The following DDX27 variants were observed in gnomAD, a reference collection of about 807,000 sequenced individuals.
The protein encoded by DDX27 is DEAD-box helicase 27.
In DDX27, 42 loss-of-function variants were observed where a neutral mutation model predicts 99.3. The observed-to-expected ratio is 0.42, with a 90% CI of 0.33 to 0.55. DDX27 has a LOEUF of 0.55. DDX27 is among the 20% of genes least tolerant of loss of function. The pLI is 0.07. For missense variants in DDX27, 798 were observed against 976.8 expected, an observed-to-expected ratio of 0.82 and a Z score of 2.44; for synonymous variants, 329 against 353.8, an observed-to-expected ratio of 0.93 and a Z score of 0.79.
Position 49,241,906 on chromosome 20 carries a change from G to A in DDX27, c.1911G>A (p.Leu637=). Residue 637 remains leucine, a synonymous_variant, in exon 17 of 21, where the codon CTG becomes CTA. Coordinates refer to ENST00000618172, the MANE Select transcript of DDX27 (RefSeq NM_017895.8). ...ERKKEKIAKA[L]QEFDLALRGK... ...TTCTCATCCCAGTTGCCAAAGCTCT[G>A]CAGGAATTTGACTTGGCCTTAAGAG... 6.2e-7 allele frequency: 1 copy of A among 1,614,202 alleles called. No individual in the cohort carries two copies. Among genetic ancestry groups the A allele is most frequent in the Non-Finnish European group, 8.5e-7 (1 of 1,180,024 alleles).
chr20:49,236,098 G>A lies in DDX27; in HGVS notation c.1428-52G>A. 6.5e-7 allele frequency: 1 copy of A among 1,531,674 alleles called. No homozygotes were observed. Among genetic ancestry groups the A allele is most frequent in the Non-Finnish European group, 8.9e-7 (1 of 1,122,658 alleles). 94.9% of individuals were successfully genotyped at this position (1,531,674 alleles called of 1,614,324 possible). A position where few individuals can be genotyped will look rare whatever the true frequency, so the allele number is the denominator to read the frequency against. On this transcript the variant is annotated intron_variant, in intron 12 of 20. Transcript: ENST00000618172. This position sits in a 1 kb window ranked among gnomAD's most constrained non-coding sequence, Gnocchi z 4.1. ...CTCTGCTGGCTCAGGCTCTTGTGGA[G>A]CATTATTAGGGGAGGGTGTCTGGAT...
chr20:49,242,037 G>T, intron 17 of DDX27, 46 bp from the exon 18 acceptor site: 1 of 1,613,962 alleles, frequency 6.2e-7, no homozygotes, highest in Non-Finnish European at 8.5e-7. Flanking sequence ...GGGTGGGTCA[G>T]AGTGGCCTGG....
At chr20:49,233,247 C>A in intron 9 of DDX27, 59 bp from the exon 10 acceptor site, 1 of 1,272,624 alleles carries the variant, frequency 7.9e-7, no homozygotes, top group Non-Finnish European at 1.1e-6. Context: ...AATCCCGTGT[C>A]CCTCACTGTG....
chr20:49,224,512 G>A (rs752328653), intron 4 of DDX27, among the ~76,000 whole-genome samples: 1 of 151,976 alleles, frequency 6.6e-6, no homozygotes, highest in Non-Finnish European at 1.5e-5. Flanking sequence ...ACAGGCACAC[G>A]CCAACACACC....
At chr20:49,235,984 C>T in intron 12 of DDX27, 166 bp from the exon 13 acceptor site, 1 of 499,354 alleles carries the variant, frequency 2.0e-6, no homozygotes, top group East Asian at 3.4e-5. Context: ...ACCTCGTGAT[C>T]TGCCCACCTC....
chr20:49,242,241 A>G, intron 18 of DDX27, 35 bp downstream of exon 18: 1 of 1,610,792 alleles, frequency 6.2e-7, no homozygotes, highest in Non-Finnish European at 8.5e-7. Context: ...AGCTTGTACA[A>G]GGTTTTCCCT....
At chr20:49,235,988 C>G in intron 12 of DDX27, 162 bp from the exon 13 acceptor site, 1 of 519,764 alleles carries the variant, frequency 1.9e-6, no homozygotes, top group Non-Finnish European at 3.4e-6. Flanking sequence ...CGTGATCTGC[C>G]CACCTCGGCC....
At chr20:49,221,164 A>T (rs529637124) in intron 1 of DDX27, among the ~76,000 whole-genome samples, 2 of 152,032 alleles carry the variant, frequency 1.3e-5, no homozygotes, top group African/African-American at 4.8e-5. Context: ...GTTTCACCAT[A>T]TTGGCCAGGC....
rs540329932 is a variant in DDX27 at position 49,230,111 on chromosome 20, G to C, written c.881-88G>C. On this transcript the variant is annotated intron_variant, in intron 8 of 20. Coordinates refer to ENST00000618172, the MANE Select transcript of DDX27 (RefSeq NM_017895.8). ...TCTCTCAGTGGTTTTCTCTGCATCT[G>C]GCCTGAGGCCTGGTGAGTGGCTGGT... The C allele has an allele frequency of 1.9e-4, 275 of 1,449,620 alleles. 2 individuals are homozygous for C. In the African/African-American group the frequency reaches 3.6e-3, roughly 19 times the overall value. The allele number at this position is 1,449,620 out of a possible 1,614,324, so 89.8% of individuals were successfully genotyped here.
chr20:49,242,448 A>T, intron 18 of DDX27, 146 bp from the exon 19 acceptor site: 1 of 1,024,396 alleles, frequency 9.8e-7, no homozygotes, highest in Non-Finnish European at 1.4e-6. Flanking sequence ...ACCAGCTGCT[A>T]CTTGGAGGAG....
At chr20:49,235,200 C>T in intron 12 of DDX27, 112 bp downstream of exon 12, 1 of 1,275,622 alleles carries the variant, frequency 7.8e-7, no homozygotes, top group Non-Finnish European at 1.1e-6. Context: ...GGACACATAG[C>T]ATGATCTTGG....
chr20:49,241,695 C>T, intron 16 of DDX27, 198 bp from the exon 17 acceptor site: 1 of 628,998 alleles, frequency 1.6e-6, no homozygotes, highest in East Asian at 2.7e-5. Context: ...TCCCAAACTC[C>T]TGACCTCAGG....
chr20:49,226,402 C>A, intron 6 of DDX27, 28 bp from the exon 7 acceptor site: 1 of 1,595,604 alleles, frequency 6.3e-7, no homozygotes, highest in Non-Finnish European at 8.6e-7. Flanking sequence ...CCGCTCAACC[C>A]TGTCTGACCC....
At chr20:49,225,245 G>T (rs775613561) in intron 6 of DDX27, 46 bp downstream of exon 6, 20 of 1,461,186 alleles carry the variant, frequency 1.4e-5, no homozygotes, top group Non-Finnish European at 1.8e-5. Context: ...GCATGGTCTT[G>T]CTATGTTGTC....
chr20:49,228,363 T>C (rs1979973751), intron 7 of DDX27, among the ~76,000 whole-genome samples: 1 of 152,014 alleles, frequency 6.6e-6, no homozygotes, highest in Non-Finnish European at 1.5e-5. Flanking sequence ...CTCGAACTCC[T>C]GACCTCAGGT....
intron 16 of DDX27, among the ~76,000 whole-genome samples, chr20:49,240,031 ATAGAT>A (rs1980427270): frequency 6.6e-6 from 1 of 152,220 alleles, no homozygotes; most frequent in Admixed American, 6.5e-5. Context: ...AGAGACAGAA[ATAGAT>A]TATAGATTAC....
intron 10 of DDX27, 51 bp downstream of exon 10, chr20:49,233,456 C>T: frequency 6.2e-7 from 1 of 1,602,086 alleles, no homozygotes; most frequent in Non-Finnish European, 8.5e-7. Context: ...CCAGAGGGGG[C>T]CATGCAGAGG....
rs558152082 is a variant in DDX27 at position 49,221,473 on chromosome 20, C to G, written c.115C>G (p.Arg39Gly). The G allele has an allele frequency of 1.2e-6, 2 of 1,613,454 alleles. No homozygotes were observed. The highest frequency in any genetic ancestry group is 1.7e-6 in the Non-Finnish European group (2 of 1,179,938). Residue 39 changes from arginine to glycine, a missense_variant, in exon 2 of 21, where the codon CGA becomes GGA. By Grantham distance (125) the Arg-to-Gly change is moderately radical. Around this residue, in one of 2 missense-constraint regions of DDX27, gnomAD observed 245 missense variants for 248.8 expected, o/e 0.98. Transcript: ENST00000618172. ...EEEGPIVLGR[R>G]QKALGKNRSA... is the part of the protein sequence containing the mutation. ...CCAGGGGCCCATTGTGCTGGGCAGA[C>G]GACAAAAAGCTTTGGGGAAGAACCG...
rs770371354 is a variant in DDX27 at position 49,233,585 on chromosome 20, T to C, written c.1149T>C (p.Ser383=). The change falls in exon 11 of 21, where the codon TCT becomes TCC. Residue 383 remains serine, a synonymous_variant. Coordinates refer to ENST00000618172, the MANE Select transcript of DDX27 (RefSeq NM_017895.8). ...TMTDEVKDLA[S]VSLKNPVRIF... is the part of the protein sequence containing the mutation. ...CTTGGCAGGTGAAAGATCTGGCTTC[T>C]GTCTCCTTGAAGAATCCTGTCCGGA... The C allele has an allele frequency of 2.5e-6, 4 of 1,613,424 alleles. No homozygotes were observed. The highest frequency in any genetic ancestry group is 2.5e-6 in the Non-Finnish European group (3 of 1,179,442).
Sources: allele counts gnomAD v4.1 joint callset (sites outside exome capture counted in the v4.1 genomes callset), GRCh38; gene constraint gnomAD v4.1.1; regional missense constraint gnomAD v4.1.1; non-coding constraint Gnocchi (gnomAD v3.1); transcripts MANE v1.5; gene names NCBI Gene and HGNC (gene_info 2026-07-23, HGNC 2026-07-21).